THSD7B: variants seen among roughly 807,000 people sequenced by gnomAD.
THSD7B encodes thrombospondin type-1 domain-containing protein 7B.
A neutral mutation model predicts 213.6 loss-of-function variants in THSD7B; 138 were observed. The observed-to-expected ratio is 0.65, with a 90% CI of 0.56 to 0.74. The LOEUF is 0.74. THSD7B is among the 30% of genes least tolerant of loss of function. THSD7B has a pLI of 0.00. For synonymous variants in THSD7B, 742 were observed against 687.0 expected (o/e 1.08, Z -1.25); for missense variants, 1,931 against 1,991.5 (o/e 0.97, Z 0.58).
At chr2:137,000,676 A>G (rs1367841633) in intron 2 of THSD7B, among the ~76,000 whole-genome samples, 4 of 152,120 alleles carry the variant, frequency 2.6e-5, no homozygotes, top group Non-Finnish European at 5.9e-5. Context: ...TGCATTAAGG[A>G]ATGATTAGTC....
chr2:137,408,526 C>G lies in THSD7B; in HGVS notation c.2695+2719C>G, dbSNP rs192048411. Among the ~76,000 whole-genome samples the G allele has an allele frequency of 7.3e-3, 1,113 of 152,286 alleles. 7 individuals carry two copies. The highest frequency in any genetic ancestry group is 0.011 in the Non-Finnish European group (754 of 68,012). ...TTTACTGGAGATAATTACAGTACAG[C>G]TTCTGCTATAGTTGCTGTTGTATTG... On this transcript the variant is annotated intron_variant, in intron 13 of 27. Coordinates refer to ENST00000409968, the MANE Select transcript of THSD7B (RefSeq NM_001316349.2).
At chr2:137,145,960 C>A (rs1362861451) in intron 5 of THSD7B, among the ~76,000 whole-genome samples, 1 of 151,934 alleles carries the variant, frequency 6.6e-6, no homozygotes, top group South Asian at 2.1e-4. Context: ...TCATAGAAGA[C>A]AACTGTAGTA....
At chr2:137,537,951 C>G (rs888071313) in intron 15 of THSD7B, among the ~76,000 whole-genome samples, 1 of 151,500 alleles carries the variant, frequency 6.6e-6, no homozygotes, top group Non-Finnish European at 1.5e-5. Flanking sequence ...AGTTCAAAAT[C>G]GAAGTTGTAG....
chr2:137,496,951 T>C (rs902320819), intron 15 of THSD7B, among the ~76,000 whole-genome samples: 2 of 152,150 alleles, frequency 1.3e-5, no homozygotes, highest in African/African-American at 4.8e-5. Flanking sequence ...GGTCAGCAAA[T>C]TGCAGAAGTG....
intron 5 of THSD7B, among the ~76,000 whole-genome samples, chr2:137,136,287 C>G (rs904354303): frequency 2.0e-5 from 3 of 152,124 alleles, no homozygotes; most frequent in Non-Finnish European, 4.4e-5. Flanking sequence ...TATCCCAGAA[C>G]TTAAAGAATA....
chr2:137,233,110 C>G lies in THSD7B; in HGVS notation c.2127C>G (p.His709Gln). Residue 709 changes from histidine (H) to glutamine (Q), a missense_variant, in exon 9 of 28, where the codon CAC becomes CAG. Transcript: ENST00000409968. ...GGAGAGTCTTCTGTGTCAAGAGTCA[C>G]GTGGGACAAGTAATGACCAAAAGGT... is the stretch of plus-strand genomic sequence containing the variant. ...QTRRVFCVKSHVGQVMTKRCP... is the reference protein window; with the variant it reads ...QTRRVFCVKSQVGQVMTKRCP... 1 of 1,613,638 alleles carries G rather than the reference C, an allele frequency of 6.2e-7. No individual in the cohort carries two copies. Among genetic ancestry groups the G allele is most frequent in the Non-Finnish European group, 8.5e-7 (1 of 1,179,714 alleles).
intron 12 of THSD7B, among the ~76,000 whole-genome samples, chr2:137,318,782 T>C (rs1684189461): frequency 7.2e-6 from 1 of 138,262 alleles, no homozygotes; most frequent in Admixed American, 8.8e-5. Flanking sequence ...ATAGGAATGC[T>C]TATCTTTTTT....
At chr2:137,256,232 C>A (rs1378225164) in intron 10 of THSD7B, among the ~76,000 whole-genome samples, 2 of 152,078 alleles carry the variant, frequency 1.3e-5, no homozygotes, top group Non-Finnish European at 2.9e-5. Flanking sequence ...TACTGTATAC[C>A]AAGTTTTATG....
chr2:137,155,241 AC>A (rs1288414387), intron 5 of THSD7B, among the ~76,000 whole-genome samples: 1 of 152,116 alleles, frequency 6.6e-6, no homozygotes, highest in Non-Finnish European at 1.5e-5. Flanking sequence ...TGTCTACCAA[AC>A]CTAAATAGCC....
At chr2:136,766,241 C>A (rs1323731609) in intron 1 of THSD7B, among the ~76,000 whole-genome samples, 1 of 152,092 alleles carries the variant, frequency 6.6e-6, no homozygotes, top group Non-Finnish European at 1.5e-5. Flanking sequence ...CTGAGCAAGC[C>A]AAGAAGTTTT....
intron 2 of THSD7B, among the ~76,000 whole-genome samples, chr2:136,973,230 C>T (rs1032514793): frequency 2.0e-5 from 3 of 152,072 alleles, no homozygotes; most frequent in Non-Finnish European, 4.4e-5. Flanking sequence ...AAAGATGTCC[C>T]ATCTGTACTG....
At chr2:137,192,252 A>G (rs34249502) in intron 7 of THSD7B, among the ~76,000 whole-genome samples, 13,961 of 152,158 alleles carry the variant, frequency 0.092, 852 homozygotes, top group African/African-American at 0.17. Flanking sequence ...AACAACACAT[A>G]TATATGTGTT....
rs963308550 is a variant in THSD7B at position 136,839,404 on chromosome 2, C to G, written c.-35-42740C>G. Among the ~76,000 whole-genome samples, 19 of 152,292 alleles carry G rather than the reference C, an allele frequency of 1.2e-4. 1 individual carries two copies. Among genetic ancestry groups the G allele is most frequent in the African/African-American group, 4.6e-4 (19 of 41,568 alleles). On this transcript the variant is annotated intron_variant, in intron 1 of 27. Transcript: ENST00000409968. ...ATACACTATGGCTTATAGTAAAACT[C>G]TGTGATCAGAGTTCAACATGGTTAG... is the stretch of plus-strand genomic sequence containing the variant.
At chr2:137,010,928 G>C (rs2104833954) in intron 2 of THSD7B, among the ~76,000 whole-genome samples, 1 of 152,302 alleles carries the variant, frequency 6.6e-6, no homozygotes, top group African/African-American at 2.4e-5. Context: ...GGATGAGAGT[G>C]ATGAAGAGTG....
At chr2:137,300,343 A>T (rs1683570240) in intron 12 of THSD7B, among the ~76,000 whole-genome samples, 1 of 152,166 alleles carries the variant, frequency 6.6e-6, no homozygotes, top group South Asian at 2.1e-4. Context: ...TAATTTACAA[A>T]AGGTTATGAA....
intron 15 of THSD7B, among the ~76,000 whole-genome samples, chr2:137,489,725 G>A (rs1688562474): frequency 6.6e-6 from 1 of 152,162 alleles, no homozygotes; most frequent in Non-Finnish European, 1.5e-5. Flanking sequence ...CATTCCTAAT[G>A]TGCACACACA....
chr2:137,300,755 T>G (rs1005099536), intron 12 of THSD7B, among the ~76,000 whole-genome samples: 1 of 152,116 alleles, frequency 6.6e-6, no homozygotes. Context: ...CTTGTGCTCA[T>G]GAATAGATGA....
intron 15 of THSD7B, among the ~76,000 whole-genome samples, chr2:137,466,349 G>C (rs1687990225): frequency 6.6e-6 from 1 of 152,098 alleles, no homozygotes; most frequent in African/African-American, 2.4e-5. Flanking sequence ...TTTTGAGTGG[G>C]AGGTCATAAA....
chr2:137,598,913 AG>A (rs1193828446), intron 17 of THSD7B, among the ~76,000 whole-genome samples: 2 of 144,340 alleles, frequency 1.4e-5, no homozygotes, highest in African/African-American at 5.2e-5. Flanking sequence ...TTTAAGTTTT[AG>A]GGTACATGTG....
Sources: allele counts gnomAD v4.1 joint callset (sites outside exome capture counted in the v4.1 genomes callset), GRCh38; gene constraint gnomAD v4.1.1; transcripts MANE v1.5; gene names NCBI Gene and HGNC (gene_info 2026-07-23, HGNC 2026-07-21).